The following GRIK2 variants were observed in gnomAD, a reference collection of about 807,000 sequenced individuals.
The protein encoded by GRIK2 is glutamate receptor ionotropic, kainate 2.
GRIK2 carries 32 observed loss-of-function variants against 100.3 expected under a neutral mutation model. The observed-to-expected ratio is 0.32, with a 90% CI of 0.24 to 0.43. The LOEUF (loss-of-function observed/expected upper bound fraction) is 0.43, where lower values mean the gene tolerates loss of function less well. Ranked by LOEUF, GRIK2 falls within the 20% of genes least tolerant of loss-of-function variation. The probability of loss-of-function intolerance (pLI) is 1.00; values close to 1 mark genes in which losing one functional copy is unlikely to be tolerated. For missense variants in GRIK2, 843 were observed against 1,114.9 expected, an observed-to-expected ratio of 0.76 and a Z score of 3.47; for synonymous variants, 417 against 389.4, an observed-to-expected ratio of 1.07 and a Z score of -0.83.
At chr6:101,775,293 A>G (rs1008730762) in intron 7 of GRIK2, among the ~76,000 whole-genome samples, 4 of 152,144 alleles carry the variant, frequency 2.6e-5, no homozygotes, top group Admixed American at 2.6e-4. Context: ...TCACAGGAAC[A>G]CTAAACAAAT....
chr6:101,427,520 G>A (rs1426552628), intron 2 of GRIK2, among the ~76,000 whole-genome samples: 6 of 152,128 alleles, frequency 3.9e-5, no homozygotes, highest in Admixed American at 1.3e-4. Flanking sequence ...TGCTGTTATC[G>A]TAAAGTGCAG....
chr6:101,734,519 T>A (rs1775500524), intron 7 of GRIK2, among the ~76,000 whole-genome samples: 1 of 152,150 alleles, frequency 6.6e-6, no homozygotes, highest in Non-Finnish European at 1.5e-5. Flanking sequence ...CAAGTGTTAA[T>A]CTCATATAAA....
chr6:101,552,647 A>T (rs1204006569), intron 2 of GRIK2, among the ~76,000 whole-genome samples: 3 of 152,148 alleles, frequency 2.0e-5, no homozygotes, highest in Non-Finnish European at 4.4e-5. Context: ...GGTCTTTGAG[A>T]TGCTTCACTG....
At chr6:102,033,558 A>ACTAT (rs1396255156) in intron 14 of GRIK2, among the ~76,000 whole-genome samples, 1 of 151,318 alleles carries the variant, frequency 6.6e-6, no homozygotes. Context: ...TCTAGAACTG[A>ACTAT]CTATCTCTGG....
intron 2 of GRIK2, among the ~76,000 whole-genome samples, chr6:101,458,557 T>G (rs540001117): frequency 1.3e-5 from 2 of 152,348 alleles, no homozygotes; most frequent in South Asian, 4.1e-4. Flanking sequence ...TGACATTCAC[T>G]GACTCAGTCT....
At chr6:102,042,317 CTCTT>C (rs899790459) in intron 15 of GRIK2, among the ~76,000 whole-genome samples, 1 of 151,612 alleles carries the variant, frequency 6.6e-6, no homozygotes, top group African/African-American at 2.4e-5. Context: ...AATTTCATTA[CTCTT>C]TCTTTCCTGC....
chr6:101,446,009 G>T (rs1562143323), intron 2 of GRIK2, among the ~76,000 whole-genome samples: 1 of 151,906 alleles, frequency 6.6e-6, no homozygotes, highest in Non-Finnish European at 1.5e-5. Flanking sequence ...TATTCATTCT[G>T]ATCTCTGCCT....
chr6:101,521,547 TA>T (rs796603721), intron 2 of GRIK2, among the ~76,000 whole-genome samples: 1 of 152,106 alleles, frequency 6.6e-6, no homozygotes, highest in African/African-American at 2.4e-5. Context: ...ATTATAGTTT[TA>T]AAATTTCTTT....
chr6:102,001,079 A>T (rs1794912309), intron 14 of GRIK2, among the ~76,000 whole-genome samples: 1 of 152,064 alleles, frequency 6.6e-6, no homozygotes, highest in Non-Finnish European at 1.5e-5. Flanking sequence ...ATAGTGAGTG[A>T]GTGAAAGTCA....
intron 2 of GRIK2, among the ~76,000 whole-genome samples, chr6:101,454,756 A>T (rs1770903404): frequency 6.6e-6 from 1 of 152,058 alleles, no homozygotes; most frequent in African/African-American, 2.4e-5. Context: ...TGCTTCAGTG[A>T]GGCATAAATC....
At chr6:101,904,284 A>G (rs1788072999) in intron 12 of GRIK2, among the ~76,000 whole-genome samples, 1 of 151,522 alleles carries the variant, frequency 6.6e-6, no homozygotes, top group Non-Finnish European at 1.5e-5. Flanking sequence ...TTGCTGATGT[A>G]CATGGAAGCA....
At chr6:101,725,134 A>G (rs964308018) in intron 7 of GRIK2, among the ~76,000 whole-genome samples, 3 of 152,060 alleles carry the variant, frequency 2.0e-5, no homozygotes, top group African/African-American at 7.2e-5. Flanking sequence ...ATAATCATTC[A>G]TATATTAAGT....
intron 2 of GRIK2, among the ~76,000 whole-genome samples, chr6:101,409,146 G>A (rs1431722954): frequency 1.5e-5 from 2 of 134,916 alleles, no homozygotes; most frequent in Admixed American, 7.4e-5. Flanking sequence ...GTGTGTGTGT[G>A]TGTGTGTACA....
At chr6:101,880,307 T>C (rs1786158755) in intron 11 of GRIK2, among the ~76,000 whole-genome samples, 1 of 152,088 alleles carries the variant, frequency 6.6e-6, no homozygotes. Context: ...AATCTGTGTT[T>C]ATTTACTGCT....
chr6:101,604,227 ACT>A, intron 2 of GRIK2, among the ~76,000 whole-genome samples: 1 of 151,672 alleles, frequency 6.6e-6, no homozygotes, highest in African/African-American at 2.4e-5. Flanking sequence ...CCATTTGAAA[ACT>A]CTGCTTAAAT....
At chr6:101,419,352 G>T (rs1776304563) in intron 2 of GRIK2, among the ~76,000 whole-genome samples, 1 of 152,086 alleles carries the variant, frequency 6.6e-6, no homozygotes, top group Non-Finnish European at 1.5e-5. Flanking sequence ...GCTCATTCAG[G>T]CCTGTGCAAA....
At chr6:101,899,580 T>G (rs1056959665) in intron 12 of GRIK2, among the ~76,000 whole-genome samples, 1 of 152,142 alleles carries the variant, frequency 6.6e-6, no homozygotes, top group Non-Finnish European at 1.5e-5. Flanking sequence ...CTGCTATTCT[T>G]TATAAGAGAT....
At chr6:101,869,911 G>A (rs1336294094) in intron 11 of GRIK2, among the ~76,000 whole-genome samples, 1 of 151,836 alleles carries the variant, frequency 6.6e-6, no homozygotes, top group Non-Finnish European at 1.5e-5. Flanking sequence ...TACATGAACT[G>A]CAGATTTTGG....
chr6:101,473,141 CTTCCTTCCTTCT>C (rs1394829025), intron 2 of GRIK2, among the ~76,000 whole-genome samples: 7 of 100,716 alleles, frequency 7.0e-5, no homozygotes, highest in African/African-American at 2.1e-4. Context: ...TCCTTCCTTC[CTTCCTTCCTTCT>C]TTCCTTCCTT....
Sources: gnomAD v4.1 joint callset for allele counts (sites outside exome capture counted in the v4.1 genomes callset) on GRCh38, gnomAD v4.1.1 for gene constraint, MANE v1.5 for transcripts, NCBI Gene and HGNC (gene_info 2026-07-23, HGNC 2026-07-21) for gene names.